Variants in BTBD9 observed in about 807,000 individuals in gnomAD.
BTBD9 encodes the protein BTB/POZ domain-containing protein 9.
Under a neutral mutation model 64.3 loss-of-function variants are expected in BTBD9, and 49 were observed. The observed-to-expected ratio is 0.76, with a 90% confidence interval of 0.61 to 0.97. The LOEUF is 0.97. Among genes scored for constraint, BTBD9 ranks in the 50% least tolerant of loss-of-function variants. The pLI, the probability that BTBD9 is intolerant of heterozygous loss-of-function variation, is 0.00. For missense variants in BTBD9, 598 were observed against 762.1 expected, an observed-to-expected ratio of 0.78 and a Z score of 2.53; for synonymous variants, 260 against 274.7, an observed-to-expected ratio of 0.95 and a Z score of 0.53.
At position 38,179,137 on chromosome 6, in the gene BTBD9, T is replaced by A. The variant is rs754768207; in HGVS notation, c.1642-3955A>T. ...AAGAGCTGGGATTACAGGCGTGAGCTACCATGCCCAGCCTACGAGACTCTT... is the reference window on the plus strand; with the variant it reads ...AAGAGCTGGGATTACAGGCGTGAGCAACCATGCCCAGCCTACGAGACTCTT... On this transcript the variant is annotated intron_variant, in intron 10 of 10. Transcript: ENST00000481247. Among the ~76,000 whole-genome samples the A allele has an allele frequency of 2.6e-5, 4 of 152,276 alleles. No homozygotes were observed. In the South Asian group the frequency reaches 6.2e-4, roughly 24 times the overall value.
At chr6:38,531,289 A>G (rs1211727515) in intron 6 of BTBD9, among the ~76,000 whole-genome samples, 1 of 152,234 alleles carries the variant, frequency 6.6e-6, no homozygotes, top group Non-Finnish European at 1.5e-5. Context: ...GTCGCATGAC[A>G]TATTTAAAGT....
At chr6:38,211,281 T>G (rs549031002) in intron 9 of BTBD9, among the ~76,000 whole-genome samples, 63 of 151,992 alleles carry the variant, frequency 4.1e-4, no homozygotes, top group Non-Finnish European at 7.1e-4. Context: ...TACAAAAAAT[T>G]AGCCGGGCAT....
chr6:38,568,624 A>C (rs938504670), intron 6 of BTBD9, among the ~76,000 whole-genome samples: 1 of 152,212 alleles, frequency 6.6e-6, no homozygotes, highest in Non-Finnish European at 1.5e-5. Flanking sequence ...GCAGTACACC[A>C]AAACAGACTC....
At chr6:38,491,565 C>T (rs1160643031) in intron 6 of BTBD9, among the ~76,000 whole-genome samples, 1 of 152,156 alleles carries the variant, frequency 6.6e-6, no homozygotes, top group African/African-American at 2.4e-5. Context: ...CTGATTAAAA[C>T]ATAAAATGTC....
intron 10 of BTBD9, among the ~76,000 whole-genome samples, chr6:38,191,291 A>C (rs577239412): frequency 6.6e-6 from 1 of 152,362 alleles, no homozygotes; most frequent in East Asian, 1.9e-4. Flanking sequence ...ACGTTTAAAA[A>C]TGCTTTTTGA....
chr6:38,461,113 T>TA (rs2127352158), intron 6 of BTBD9, among the ~76,000 whole-genome samples: 1 of 152,358 alleles, frequency 6.6e-6, no homozygotes, highest in Non-Finnish European at 1.5e-5. Context: ...GTTTTATAGT[T>TA]ACAGACCTCA....
intron 6 of BTBD9, among the ~76,000 whole-genome samples, chr6:38,503,819 C>A (rs987891028): frequency 1.3e-5 from 2 of 152,142 alleles, no homozygotes; most frequent in East Asian, 3.8e-4. Flanking sequence ...TCCTTTCTTC[C>A]GTTAAACCTC....
At chr6:38,455,649 TCACC>T (rs1386995419) in intron 6 of BTBD9, among the ~76,000 whole-genome samples, 1 of 152,264 alleles carries the variant, frequency 6.6e-6, no homozygotes, top group African/African-American at 2.4e-5. Flanking sequence ...CACAGATTTT[TCACC>T]CATTTATGGA....
At chr6:38,458,862 T>A (rs553633984) in intron 6 of BTBD9, among the ~76,000 whole-genome samples, 2 of 152,178 alleles carry the variant, frequency 1.3e-5, no homozygotes, top group South Asian at 2.1e-4. Flanking sequence ...ACACAAAAAA[T>A]TTAAGTATGA....
intron 6 of BTBD9, among the ~76,000 whole-genome samples, chr6:38,475,657 G>A (rs956237824): frequency 1.3e-5 from 2 of 152,138 alleles, no homozygotes; most frequent in Non-Finnish European, 2.9e-5. Flanking sequence ...TGACTGCCCA[G>A]AATGAACAAG....
intron 9 of BTBD9, among the ~76,000 whole-genome samples, chr6:38,195,717 T>A (rs1762255094): frequency 3.3e-5 from 5 of 152,100 alleles, no homozygotes; most frequent in Admixed American, 3.3e-4. Context: ...TATTTTTAAA[T>A]TTTTAATTAT....
chr6:38,524,853 T>A (rs1321399964), intron 6 of BTBD9, among the ~76,000 whole-genome samples: 1 of 152,110 alleles, frequency 6.6e-6, no homozygotes, highest in African/African-American at 2.4e-5. Context: ...AATAATTCAT[T>A]CCTTCCTTTT....
chr6:38,219,806 T>C (rs1040038970), intron 9 of BTBD9, among the ~76,000 whole-genome samples: 1 of 152,164 alleles, frequency 6.6e-6, no homozygotes, highest in South Asian at 2.1e-4. Context: ...AAAATACATA[T>C]ACAATTATAA....
chr6:38,398,833 T>C (rs1272897722), intron 6 of BTBD9, among the ~76,000 whole-genome samples: 1 of 152,218 alleles, frequency 6.6e-6, no homozygotes, highest in African/African-American at 2.4e-5. Context: ...TTAATTTAAT[T>C]TGTGGCCAGA....
intron 9 of BTBD9, among the ~76,000 whole-genome samples, chr6:38,217,716 T>G (rs1219585678): frequency 6.6e-6 from 1 of 150,984 alleles, no homozygotes; most frequent in African/African-American, 2.4e-5. Flanking sequence ...TTTTTTTAAC[T>G]GAGAGAGACA....
At chr6:38,246,707 C>T (rs1285957869) in intron 9 of BTBD9, among the ~76,000 whole-genome samples, 3 of 151,950 alleles carry the variant, frequency 2.0e-5, no homozygotes, top group Admixed American at 6.5e-5. Context: ...AAATCTTCAT[C>T]GAGCATTTCA....
intron 8 of BTBD9, among the ~76,000 whole-genome samples, 159 bp downstream of exon 8, chr6:38,288,110 CGTT>C (rs1232689270): frequency 6.6e-6 from 1 of 152,150 alleles, no homozygotes; most frequent in Non-Finnish European, 1.5e-5. Context: ...CGCTATATCT[CGTT>C]GTTGTCCCTT....
rs193080539 is a variant in BTBD9 at position 38,242,271 on chromosome 6, T to C, written c.1562+14138A>G. Among the ~76,000 whole-genome samples, 6 of 152,302 alleles carry C rather than the reference T, an allele frequency of 3.9e-5. No individual in the cohort carries two copies. The East Asian group carries it at 1.2e-3, about 29-fold the overall frequency. On this transcript the variant is annotated intron_variant, in intron 9 of 10. Transcript: ENST00000481247. ...ATGGGTAGGCTCAAAATGCATCTTT[T>C]CAGAAAAATTTCCCTAACTCCATCC... is the stretch of plus-strand genomic sequence containing the variant.
chr6:38,366,831 T>A (rs959664580), intron 6 of BTBD9, among the ~76,000 whole-genome samples: 1 of 152,246 alleles, frequency 6.6e-6, no homozygotes, highest in East Asian at 1.9e-4. Flanking sequence ...TTTCTTCACG[T>A]GATATATGCT....
Sources: gnomAD v4.1 joint callset for allele counts (sites outside exome capture counted in the v4.1 genomes callset) on GRCh38, gnomAD v4.1.1 for gene constraint, MANE v1.5 for transcripts, NCBI Gene and HGNC (gene_info 2026-07-23, HGNC 2026-07-21) for gene names.